SCO1: variants seen among roughly 807,000 people sequenced by gnomAD.
SCO1 encodes the protein cytochrome c oxidase assembly factor SCO1.
A neutral mutation model predicts 34.0 loss-of-function variants in SCO1; 23 were observed. The observed-to-expected ratio is 0.68, with a 90% CI of 0.49 to 0.96. SCO1 has a LOEUF of 0.96. Among genes scored for constraint, SCO1 ranks in the 40% least tolerant of loss-of-function variants. The probability of loss-of-function intolerance (pLI) is 0.00; values close to 1 mark genes in which losing one functional copy is unlikely to be tolerated. For missense variants in SCO1, 404 were observed against 381.6 expected (o/e 1.06, Z -0.49); for synonymous variants, 161 against 145.5 (o/e 1.11, Z -0.77).
At chr17:10,688,909 G>A (rs2074673180) in intron 4 of SCO1, among the ~76,000 whole-genome samples, 1 of 141,236 alleles carries the variant, frequency 7.1e-6, no homozygotes, top group Non-Finnish European at 1.5e-5. Flanking sequence ...GAGGTCAGGA[G>A]ATCGAGACCA....
At chr17:10,686,672 G>T (rs901561224) in intron 5 of SCO1, 55 bp downstream of exon 5, 10 of 1,018,622 alleles carry the variant, frequency 9.8e-6, no homozygotes, top group South Asian at 2.5e-5. Flanking sequence ...AAAGCCTTAT[G>T]ACTATTTGGG....
In SCO1 at chr17:10,697,523, G is replaced by T. The variant is rs375570924; in HGVS notation, c.-16C>A. The T allele has an allele frequency of 6.2e-7, 1 of 1,612,798 alleles. No homozygotes were observed. Among genetic ancestry groups the T allele is most frequent in the South Asian group, 1.1e-5 (1 of 90,930 alleles). ...GCATCGCCATGAGCCTCGGAGACCGGGTCTCCTTTGACCCTCCCCGCGATT... is the reference window on the plus strand; with the variant it reads ...GCATCGCCATGAGCCTCGGAGACCGTGTCTCCTTTGACCCTCCCCGCGATT... On this transcript the variant is annotated 5_prime_UTR_variant, in exon 1 of 6. Transcript: ENST00000255390.
At chr17:10,682,130 A>C (rs1046335775) in intron 5 of SCO1, among the ~76,000 whole-genome samples, 2 of 152,212 alleles carry the variant, frequency 1.3e-5, no homozygotes, top group African/African-American at 4.8e-5. Flanking sequence ...CATAAAATCC[A>C]ATTTTAAGTG....
chr17:10,683,304 C>T (rs570779464), intron 5 of SCO1, among the ~76,000 whole-genome samples: 162 of 152,176 alleles, frequency 1.1e-3, no homozygotes, highest in African/African-American at 3.8e-3. Context: ...CATTGTTCTA[C>T]GTTAGATTAT....
At chr17:10,685,315 G>C (rs1455908053) in intron 5 of SCO1, among the ~76,000 whole-genome samples, 1 of 152,172 alleles carries the variant, frequency 6.6e-6, no homozygotes. Context: ...AAAAAACAGA[G>C]TATGACAACT....
At chr17:10,681,378 A>G in intron 5 of SCO1, 125 bp from the exon 6 acceptor site, 1 of 1,047,840 alleles carries the variant, frequency 9.5e-7, no homozygotes, top group Non-Finnish European at 1.4e-6. Context: ...AGCATCTATT[A>G]TTTATGGAAT....
intron 2 of SCO1, 28 bp from the exon 3 acceptor site, chr17:10,692,989 CAA>C: frequency 6.4e-7 from 1 of 1,574,424 alleles, no homozygotes; most frequent in Non-Finnish European, 8.7e-7. Context: ...ATATCGACAC[CAA>C]AAAAAAAGTC....
intron 2 of SCO1, among the ~76,000 whole-genome samples, chr17:10,693,171 G>A (rs1019272272): frequency 4.6e-5 from 7 of 152,216 alleles, no homozygotes; most frequent in African/African-American, 1.7e-4. Context: ...GCTATGGTAT[G>A]TTGTAAAAAA....
intron 1 of SCO1, among the ~76,000 whole-genome samples, chr17:10,696,203 G>GGGAGGC (rs1353158645): frequency 6.6e-6 from 1 of 151,914 alleles, no homozygotes; most frequent in East Asian, 1.9e-4. Context: ...CCAGCACTTT[G>GGGAGGC]GGAGGCGGAG....
At chr17:10,688,926 C>A (rs1396809958) in intron 4 of SCO1, among the ~76,000 whole-genome samples, 1 of 141,716 alleles carries the variant, frequency 7.1e-6, no homozygotes, top group Non-Finnish European at 1.5e-5. Context: ...ACCATCCCGG[C>A]TAAAACGGTG....
rs559517968 is a variant in SCO1 at position 10,692,947 on chromosome 17, G to C, written c.379C>G (p.Arg127Gly). ...KEKAEKLEKE[R>G]QRHIGKPLLG... The stretch of plus-strand genomic sequence containing the variant: ...AAAGGCTTGCCGATGTGTCGCTGCC[G>C]TTCCTTCTCTAACTCTTAAGGAGAC... Residue 127 changes from arginine (R) to glycine (G), a missense_variant, in exon 3 of 6, where the codon CGG (arginine) becomes GGG (glycine). Arg to Gly is a moderately radical substitution (Grantham distance 125). Transcript: ENST00000255390. 1 of 1,613,942 alleles carries C rather than the reference G, an allele frequency of 6.2e-7. No homozygotes were observed. The highest frequency in any genetic ancestry group is 8.5e-7 in the Non-Finnish European group (1 of 1,179,966).
In SCO1 at chr17:10,697,397, C is replaced by G. The variant is rs1483888017; in HGVS notation, c.111G>C (p.Ala37=). 1.2e-6 allele frequency: 2 copies of G among 1,605,446 alleles called. No individual in the cohort carries two copies. Among genetic ancestry groups the G allele is most frequent in the East Asian group, 4.5e-5 (2 of 44,558 alleles). Residue 37 remains alanine (A), a synonymous_variant, in exon 1 of 6, where the codon GCG becomes GCC. Coordinates refer to ENST00000255390, the MANE Select transcript of SCO1 (RefSeq NM_004589.4). The part of the protein sequence containing the change: ...LEFWGPAEGT[A]RVLLRQFCAR... ...CGCAGAACTGCCTCAGCAAGACTCT[C>G]GCAGTCCCCTCGGCTGGGCCCCAAA... is the stretch of plus-strand genomic sequence containing the variant.
intron 5 of SCO1, among the ~76,000 whole-genome samples, chr17:10,682,326 A>G (rs1462030674): frequency 1.3e-5 from 2 of 152,236 alleles, no homozygotes; most frequent in Non-Finnish European, 2.9e-5. Flanking sequence ...GCAAATGGAA[A>G]GAGCACTTGC....
rs1177221815 is a variant in SCO1, at chr17:10,680,713, T to G, written c.*406A>C. ...AAGCAAGAGCACTATGGAAATTATA[T>G]TCTTTTCTGTGAAATTCAGTCCCAC... On this transcript the variant is annotated 3_prime_UTR_variant, in exon 6 of 6. Coordinates refer to ENST00000255390, the MANE Select transcript of SCO1 (RefSeq NM_004589.4). The G allele has an allele frequency of 1.2e-5, 3 of 252,050 alleles. No individual in the cohort carries two copies. Among genetic ancestry groups the G allele is most frequent in the Admixed American group, 1.0e-4 (2 of 19,978 alleles). The allele number at this position is 252,050 out of a possible 1,614,324, so 15.6% of individuals were successfully genotyped here.
chr17:10,691,428 T>C (rs2151456395), intron 4 of SCO1, among the ~76,000 whole-genome samples: 1 of 152,370 alleles, frequency 6.6e-6, no homozygotes, highest in African/African-American at 2.4e-5. Context: ...TTACAGTAAA[T>C]GTTTTAAATT....
chr17:10,685,122 A>G (rs1294949515), intron 5 of SCO1, among the ~76,000 whole-genome samples: 1 of 152,196 alleles, frequency 6.6e-6, no homozygotes, highest in East Asian at 1.9e-4. Context: ...AAGAAATCAT[A>G]GTTGGCTGTT....
rs117575607 is a variant in SCO1, at chr17:10,685,560, C to T, written c.771+1167G>A. 3.3e-5 allele frequency among the ~76,000 whole-genome samples: 5 copies of T among 152,310 alleles called. No homozygotes were observed. In the East Asian group the frequency reaches 7.7e-4, roughly 24 times the overall value. On this transcript the variant is annotated intron_variant, in intron 5 of 5. Coordinates refer to ENST00000255390, the MANE Select transcript of SCO1 (RefSeq NM_004589.4). The stretch of plus-strand genomic sequence containing the variant: ...TAATTTAAGAGCTACACAAGTACAA[C>T]AGAATTTCTGTTCCTTATCATTAAA...
Position 10,697,355 on chromosome 17 carries a change from C to A in SCO1, c.153G>T (p.Ala51=), listed in dbSNP as rs2074737981. Residue 51 remains alanine (A), a synonymous_variant, in exon 1 of 6, where the codon GCG becomes GCT. Transcript: ENST00000255390. The stretch of plus-strand genomic sequence containing the variant: ...AGCCAGGGCGCCCCGAGGCACGCCA[C>A]GCCTCCGCTTGCCGCGCGCAGAACT... The part of the protein sequence containing the change: ...LRQFCARQAE[A]WRASGRPGYC... 1 of 1,588,206 alleles carries A rather than the reference C, an allele frequency of 6.3e-7. No individual in the cohort carries two copies. The highest frequency in any genetic ancestry group is 8.6e-7 in the Non-Finnish European group (1 of 1,167,330).
intron 5 of SCO1, among the ~76,000 whole-genome samples, chr17:10,686,193 GATCGCACCACTGC>G (rs2074654813): frequency 6.6e-6 from 1 of 152,274 alleles, no homozygotes; most frequent in African/African-American, 2.4e-5. Context: ...AGTGAGCCAA[GATCGCACCACTGC>G]ACTCCAGCCT....
Sources: gnomAD v4.1 joint callset for allele counts (sites outside exome capture counted in the v4.1 genomes callset) on GRCh38, gnomAD v4.1.1 for gene constraint, MANE v1.5 for transcripts, NCBI Gene and HGNC (gene_info 2026-07-23, HGNC 2026-07-21) for gene names.